Variants in HSD17B2 observed in about 807,000 individuals in gnomAD.
HSD17B2 encodes 17-beta-hydroxysteroid dehydrogenase type 2.
A neutral mutation model predicts 26.9 loss-of-function variants in HSD17B2; 32 were observed. The ratio of observed to expected loss-of-function variants is 1.19; its 90% CI spans 0.90 to 1.60. The LOEUF is 1.60. Among genes scored for constraint, HSD17B2 ranks in the 40% most tolerant of loss-of-function variants. The probability of loss-of-function intolerance (pLI) is 0.00; values close to 1 mark genes in which losing one functional copy is unlikely to be tolerated. For missense variants in HSD17B2, 613 were observed against 468.6 expected, an observed-to-expected ratio of 1.31 and a Z score of -2.85; for synonymous variants, 246 against 186.7, an observed-to-expected ratio of 1.32 and a Z score of -2.59.
chr16:82,068,107 G>A (rs1458049780), intron 1 of HSD17B2, 63 bp from the exon 2 acceptor site: 1 of 1,370,854 alleles, frequency 7.3e-7, no homozygotes, highest in African/African-American at 1.4e-5. Flanking sequence ...TGTTTTCCTT[G>A]TTAAATATTT....
intron 3 of HSD17B2, among the ~76,000 whole-genome samples, chr16:82,085,892 C>A (rs1033813513): frequency 6.6e-6 from 1 of 151,978 alleles, no homozygotes; most frequent in Non-Finnish European, 1.5e-5. Flanking sequence ...TAACATACCC[C>A]CTAAAATGGC....
At chr16:82,045,305 G>C (rs1913891964) in intron 1 of HSD17B2, among the ~76,000 whole-genome samples, 1 of 151,926 alleles carries the variant, frequency 6.6e-6, no homozygotes, top group African/African-American at 2.4e-5. Flanking sequence ...TCCATCTTAA[G>C]CTTCCCTCTT....
At chr16:82,081,239 C>T (rs1018279354) in intron 3 of HSD17B2, among the ~76,000 whole-genome samples, 4 of 151,966 alleles carry the variant, frequency 2.6e-5, no homozygotes, top group Non-Finnish European at 4.4e-5. Context: ...GCTCTATTCC[C>T]TCCCTCTCTG....
At chr16:82,087,394 G>A (rs2142364039) in intron 3 of HSD17B2, among the ~76,000 whole-genome samples, 1 of 152,270 alleles carries the variant, frequency 6.6e-6, no homozygotes, top group East Asian at 1.9e-4. Flanking sequence ...AGACACAGCG[G>A]CTCTTAATCA....
chr16:82,060,310 A>C (rs887216206), intron 1 of HSD17B2, among the ~76,000 whole-genome samples: 2 of 152,168 alleles, frequency 1.3e-5, no homozygotes, highest in African/African-American at 4.8e-5. Context: ...GGGATCTCCA[A>C]CTCAAAAGGC....
chr16:82,070,827 C>T, intron 2 of HSD17B2, 115 bp from the exon 3 acceptor site: 2 of 942,270 alleles, frequency 2.1e-6, no homozygotes, highest in South Asian at 1.7e-5. Flanking sequence ...AGACTCTAAT[C>T]CCCCAGGAGA....
At chr16:82,038,590 G>T (rs1913683619) in intron 1 of HSD17B2, among the ~76,000 whole-genome samples, 1 of 152,162 alleles carries the variant, frequency 6.6e-6, no homozygotes, top group South Asian at 2.1e-4. Flanking sequence ...ACAAAGAGCA[G>T]ACCAACACGA....
Position 82,074,820 on chromosome 16 carries a change from C to G in HSD17B2, c.664+3693C>G, listed in dbSNP as rs568197217. 2.0e-5 allele frequency among the ~76,000 whole-genome samples: 3 copies of G among 152,258 alleles called. No individual in the cohort carries two copies. In the East Asian group the frequency reaches 5.8e-4, roughly 29 times the overall value. ...AGGCAGAAAATCAATAAAGAAACAT[C>G]AAACTTAATCTGCACTATAGACCAA... On this transcript the variant is annotated intron_variant, in intron 3 of 4. Transcript: ENST00000199936.
intron 1 of HSD17B2, among the ~76,000 whole-genome samples, chr16:82,044,773 C>T (rs1913869914): frequency 6.6e-6 from 1 of 152,132 alleles, no homozygotes; most frequent in South Asian, 2.1e-4. Context: ...ATATTGCAGA[C>T]AGCATAGGAA....
chr16:82,091,113 G>A (rs1316258113), intron 4 of HSD17B2, 74 bp downstream of exon 4: 1 of 1,410,170 alleles, frequency 7.1e-7, no homozygotes, highest in Non-Finnish European at 1.0e-6. Flanking sequence ...GTCTGACAGA[G>A]CACACATTGA....
At chr16:82,059,051 A>G (rs1178156440) in intron 1 of HSD17B2, among the ~76,000 whole-genome samples, 1 of 152,194 alleles carries the variant, frequency 6.6e-6, no homozygotes. Context: ...ACTCTGATGG[A>G]GATCACCTAG....
At chr16:82,075,495 A>C (rs1280710299) in intron 3 of HSD17B2, among the ~76,000 whole-genome samples, 1 of 152,156 alleles carries the variant, frequency 6.6e-6, no homozygotes. Flanking sequence ...TAAGAACAAG[A>C]GAGAAGACCC....
chr16:82,070,691 A>G, intron 2 of HSD17B2: 1 of 498,250 alleles, frequency 2.0e-6, no homozygotes, highest in Non-Finnish European at 3.5e-6. Flanking sequence ...TTCACTTAGT[A>G]AATTCTGAAG....
chr16:82,057,968 G>GAATAAAGT (rs1914322631), intron 1 of HSD17B2, among the ~76,000 whole-genome samples: 1 of 151,880 alleles, frequency 6.6e-6, no homozygotes, highest in Non-Finnish European at 1.5e-5. Flanking sequence ...AACGCAATGT[G>GAATAAAGT]AATAAAGTAT....
At chr16:82,097,868 G>T in intron 4 of HSD17B2, 1 of 379,070 alleles carries the variant, frequency 2.6e-6, no homozygotes, top group Non-Finnish European at 4.6e-6. Context: ...AACTCTGGAG[G>T]CAGAGGTTGC....
At chr16:82,052,293 C>T (rs566438708) in intron 1 of HSD17B2, 1 of 152,308 alleles carries the variant, frequency 6.6e-6, no homozygotes, top group Non-Finnish European at 1.5e-5. Flanking sequence ...ATCCTCTTAC[C>T]TCTTTTTCTG....
At chr16:82,088,403 C>T (rs1405536641) in intron 3 of HSD17B2, among the ~76,000 whole-genome samples, 1 of 152,178 alleles carries the variant, frequency 6.6e-6, no homozygotes, top group Admixed American at 6.5e-5. Context: ...CATGGACCAT[C>T]ATTATTAATT....
At chr16:82,078,510 C>T (rs1030985574) in intron 3 of HSD17B2, among the ~76,000 whole-genome samples, 18 of 152,216 alleles carry the variant, frequency 1.2e-4, no homozygotes, top group Middle Eastern at 6.8e-3. Flanking sequence ...GCAATTCCAC[C>T]GCTAGATATG....
intron 1 of HSD17B2, among the ~76,000 whole-genome samples, chr16:82,054,492 G>C (rs1914206752): frequency 6.6e-6 from 1 of 152,122 alleles, no homozygotes; most frequent in South Asian, 2.1e-4. Context: ...CTACAGGTGT[G>C]TGCCACCAGA....
Sources: gnomAD v4.1 joint callset for allele counts (sites outside exome capture counted in the v4.1 genomes callset) on GRCh38, gnomAD v4.1.1 for gene constraint, MANE v1.5 for transcripts, NCBI Gene and HGNC (gene_info 2026-07-23, HGNC 2026-07-21) for gene names.